The following AP3D1 variants were observed in gnomAD, a reference collection of about 807,000 sequenced individuals.
AP3D1 encodes the protein AP-3 complex subunit delta-1.
Under a neutral mutation model 147.6 loss-of-function variants are expected in AP3D1, and 51 were observed. That is an observed-to-expected ratio of 0.35 (90% CI 0.28 to 0.44). The LOEUF (loss-of-function observed/expected upper bound fraction) is 0.44, where lower values mean the gene tolerates loss of function less well. Among genes scored for constraint, AP3D1 ranks in the 20% least tolerant of loss-of-function variants. The pLI is 1.00. For synonymous variants in AP3D1, 760 were observed against 663.0 expected, an observed-to-expected ratio of 1.15 and a Z score of -2.25; for missense variants, 1,421 against 1,624.2, an observed-to-expected ratio of 0.87 and a Z score of 2.15.
At chr19:2,131,153 G>T (rs899428381) in intron 5 of AP3D1, among the ~76,000 whole-genome samples, 2 of 152,290 alleles carry the variant, frequency 1.3e-5, no homozygotes, top group Admixed American at 6.5e-5. Context: ...CACGTGAAAA[G>T]AAGGTGCAGC....
chr19:2,110,261 G>A lies in AP3D1; in HGVS notation c.3176-37C>T, dbSNP rs1223469207. ...GAGAGGGAGTGGGGCCTGAGACGCT[G>A]CGGGGGCTCAGCATGGGTGGGGCCT... On this transcript the variant is annotated intron_variant, in intron 27 of 31. Transcript: ENST00000643116. 3.2e-6 allele frequency: 5 copies of A among 1,583,282 alleles called. No individual in the cohort carries two copies. In the South Asian group the frequency reaches 3.3e-5, roughly 10 times the overall value.
intron 10 of AP3D1, 43 bp from the exon 11 acceptor site, chr19:2,123,449 C>G (rs769368294): frequency 1.9e-5 from 30 of 1,604,390 alleles, no homozygotes; most frequent in Non-Finnish European, 2.6e-5. Flanking sequence ...TCCTCTAAAC[C>G]AAGGGTGAGT....
chr19:2,111,659 G>T lies in AP3D1; in HGVS notation c.2937+20C>A. 2 of 1,569,512 alleles carry T rather than the reference G, an allele frequency of 1.3e-6. No homozygotes were observed. The highest frequency in any genetic ancestry group is 1.7e-6 in the Non-Finnish European group (2 of 1,161,582). ...GCCAGGAACCCCGGCGTGGGGCGGG[G>T]GCGCTGAAGTACCCCTCACCGGGAG... On this transcript the variant is annotated intron_variant, in intron 25 of 31. Coordinates refer to ENST00000643116, the MANE Select transcript of AP3D1 (RefSeq NM_001261826.3).
At chr19:2,107,099 T>C (rs997265344) in intron 31 of AP3D1, among the ~76,000 whole-genome samples, 2 of 151,344 alleles carry the variant, frequency 1.3e-5, no homozygotes, top group Non-Finnish European at 2.9e-5. Flanking sequence ...CTGTCTCTAC[T>C]AAAAATACAA....
upstream of AP3D1, among the ~76,000 whole-genome samples, chr19:2,153,085 G>A (rs1408232322): frequency 1.3e-5 from 2 of 151,024 alleles, no homozygotes; most frequent in Non-Finnish European, 3.0e-5. Context: ...AAGGCAGGGG[G>A]AGGGGAGGAT....
chr19:2,124,807 G>A (rs1480131527), intron 9 of AP3D1, among the ~76,000 whole-genome samples: 2 of 152,172 alleles, frequency 1.3e-5, no homozygotes, highest in South Asian at 2.1e-4. Flanking sequence ...GGGAGTGGTG[G>A]AGCATGTCTG....
At chr19:2,164,473 G>T (rs1599516022), upstream of AP3D1, 4 of 337,064 alleles carry the variant, frequency 1.2e-5, no homozygotes, top group East Asian at 8.8e-5. Flanking sequence ...CGCGCCTGGG[G>T]TGGGAGCGGG....
chr19:2,116,461 G>A (rs1054147373), intron 17 of AP3D1, 144 bp downstream of exon 17: 17 of 1,260,168 alleles, frequency 1.3e-5, no homozygotes, highest in African/African-American at 1.1e-4. Context: ...AAAAGGAATC[G>A]CTAACGCTCT....
At chr19:2,146,816 G>A (rs1433426658) in intron 1 of AP3D1, among the ~76,000 whole-genome samples, 1 of 152,088 alleles carries the variant, frequency 6.6e-6, no homozygotes, top group African/African-American at 2.4e-5. Context: ...GGGGTCAGGG[G>A]CTTTTAATTT....
chr19:2,125,244 A>T (rs1185823044), intron 9 of AP3D1, among the ~76,000 whole-genome samples: 1 of 152,238 alleles, frequency 6.6e-6, no homozygotes, highest in Admixed American at 6.5e-5. Flanking sequence ...GGCAAAATAA[A>T]TGCATATTCA....
chr19:2,159,154 T>C (rs2019673410), intron 1 of AP3D1, among the ~76,000 whole-genome samples: 1 of 151,694 alleles, frequency 6.6e-6, no homozygotes, highest in African/African-American at 2.4e-5. Context: ...CAGGCCAGGC[T>C]AATTTTTTTA....
At chr19:2,154,633 T>A (rs559079244), upstream of AP3D1, among the ~76,000 whole-genome samples, 2 of 152,336 alleles carry the variant, frequency 1.3e-5, no homozygotes, top group South Asian at 2.1e-4. Flanking sequence ...AATTTCTCTC[T>A]CCACTTTCTG....
chr19:2,118,319 C>CT (rs2018514348), intron 15 of AP3D1, among the ~76,000 whole-genome samples: 1 of 152,186 alleles, frequency 6.6e-6, no homozygotes, highest in African/African-American at 2.4e-5. Flanking sequence ...CACCTGCTGT[C>CT]TCGCCGCATG....
rs777837271 is a variant in AP3D1, at chr19:2,109,235, C to A, written c.3351-28G>T. The A allele has an allele frequency of 2.6e-6, 4 of 1,549,816 alleles. No homozygotes were observed. The African/African-American group carries it at 5.5e-5, about 21-fold the overall frequency. On this transcript the variant is annotated intron_variant, in intron 29 of 31. Coordinates refer to ENST00000643116, the MANE Select transcript of AP3D1 (RefSeq NM_001261826.3). The stretch of plus-strand genomic sequence containing the variant: ...GTGGGAGGGACAGGGAGGCTGACTG[C>A]GGTGGGGCCGGGCTCCTCAGGCTTC...
chr19:2,105,600 T>C (rs2018088716), intron 31 of AP3D1, among the ~76,000 whole-genome samples: 1 of 151,720 alleles, frequency 6.6e-6, no homozygotes, highest in South Asian at 2.1e-4. Context: ...TGGGTAAATC[T>C]CTGTTCGGGG....
rs1461443818 is a variant in AP3D1 at position 2,129,413 on chromosome 19, G to A, written c.637C>T (p.Arg213Cys). Reference protein sequence around the residue: ...AVNVICELARRNPKNYLSLAP... With the variant: ...AVNVICELARCNPKNYLSLAP... ...AGGGACAGGTAGTTCTTAGGGTTGC[G>A]TCTGGCCAGCTCGCAGATGACATTG... Residue 213 changes from arginine to cysteine, a missense_variant, in exon 7 of 32, where the codon CGC (arginine) becomes TGC (cysteine). By Grantham distance (180) the Arg-to-Cys change is radical. Coordinates refer to ENST00000643116, the MANE Select transcript of AP3D1 (RefSeq NM_001261826.3). 22 of 1,613,994 alleles carry A rather than the reference G, an allele frequency of 1.4e-5. No individual in the cohort carries two copies. The highest frequency in any genetic ancestry group is 1.7e-5 in the Non-Finnish European group (20 of 1,180,010).
chr19:2,133,695 G>A (rs1475904699), intron 4 of AP3D1, among the ~76,000 whole-genome samples: 1 of 151,946 alleles, frequency 6.6e-6, no homozygotes, highest in African/African-American at 2.4e-5. Context: ...GTACAGATGG[G>A]GTTTTACCAT....
Position 2,121,058 on chromosome 19 carries a change from C to G in AP3D1, c.1285G>C (p.Glu429Gln), listed in dbSNP as rs2018596377. ...ATGAGGTGGCCGTGCCGTGTGCCCT[C>G]CAGCCGGGTCAGCTCCACCAGGATG... The part of the protein sequence containing the change: ...ISILVELTRL[E>Q]GTRHGHLIAA... The change falls in exon 14 of 32, where the codon GAG becomes CAG. Residue 429 changes from glutamate (E) to glutamine (Q), a missense_variant. This residue lies in a region of AP3D1 where 310 missense variants were observed against 388.1 expected (regional missense o/e 0.80). Coordinates refer to ENST00000643116, the MANE Select transcript of AP3D1 (RefSeq NM_001261826.3). 1.2e-6 allele frequency: 2 copies of G among 1,613,438 alleles called. No individual in the cohort carries two copies. Among genetic ancestry groups the G allele is most frequent in the Non-Finnish European group, 1.7e-6 (2 of 1,179,960 alleles).
chr19:2,153,100 G>A (rs150039950), upstream of AP3D1, among the ~76,000 whole-genome samples: 19 of 150,442 alleles, frequency 1.3e-4, no homozygotes, highest in African/African-American at 3.9e-4. Context: ...GAGGATGGGC[G>A]CAGTGGTTCA....
Sources: allele counts gnomAD v4.1 joint callset (sites outside exome capture counted in the v4.1 genomes callset), GRCh38; gene constraint gnomAD v4.1.1; regional missense constraint gnomAD v4.1.1; transcripts MANE v1.5; gene names NCBI Gene and HGNC (gene_info 2026-07-23, HGNC 2026-07-21).